Variants in KCNG3 observed in about 807,000 individuals in gnomAD.
KCNG3 encodes potassium voltage-gated channel modifier subfamily G member 3.
KCNG3 carries 15 observed loss-of-function variants against 29.0 expected under a neutral mutation model. The ratio of observed to expected loss-of-function variants is 0.52; its 90% CI spans 0.35 to 0.80. KCNG3 has a LOEUF of 0.80. KCNG3 is among the 30% of genes least tolerant of loss of function. The pLI, the probability that KCNG3 is intolerant of heterozygous loss-of-function variation, is 0.01. For missense variants in KCNG3, 512 were observed against 605.7 expected, an observed-to-expected ratio of 0.85 and a Z score of 1.62; for synonymous variants, 322 against 248.9, an observed-to-expected ratio of 1.29 and a Z score of -2.76.
At chr2:42,467,544 T>G (rs1008657477) in intron 1 of KCNG3, among the ~76,000 whole-genome samples, 1 of 151,624 alleles carries the variant, frequency 6.6e-6, no homozygotes, top group African/African-American at 2.4e-5. Context: ...GGCACATGCC[T>G]GTAATCCCAG....
At chr2:42,415,977 T>C in the KCNG3 span, among the ~76,000 whole-genome samples, 1 of 152,070 alleles carries the variant, frequency 6.6e-6, no homozygotes, top group African/African-American at 2.4e-5. Flanking sequence ...GGTGGATCGT[T>C]TGAGGTCAGG....
In KCNG3 at chr2:42,444,185, T is replaced by C; in HGVS notation, c.1060A>G (p.Asn354Asp). 1 of 1,614,180 alleles carries C rather than the reference T, an allele frequency of 6.2e-7. No homozygotes were observed. Among genetic ancestry groups the C allele is most frequent in the Non-Finnish European group, 8.5e-7 (1 of 1,180,038 alleles). ...LEHGLDLETSNKDFTSIPAAC... is the reference protein window; with the variant it reads ...LEHGLDLETSDKDFTSIPAAC... Reference sequence around the variant, plus strand: ...GCAGGAATGCTGGTAAAGTCCTTGTTGGATGTTTCCAGGTCCAGCCCATGT... The same window carrying C: ...GCAGGAATGCTGGTAAAGTCCTTGTCGGATGTTTCCAGGTCCAGCCCATGT... The change falls in exon 2 of 2, where the codon AAC becomes GAC. Residue 354 changes from asparagine (N) to aspartate (D), a missense_variant. Asn to Asp is a conservative substitution (Grantham distance 23, BLOSUM62 1). Around this residue, in one of 5 missense-constraint regions of KCNG3, gnomAD observed 173 missense variants for 262.4 expected, o/e 0.66. Transcript: ENST00000306078. This position sits in a 1 kb window ranked among gnomAD's most constrained non-coding sequence, Gnocchi z 5.8.
chr2:42,480,461 T>G (rs1673553412), intron 1 of KCNG3, among the ~76,000 whole-genome samples: 2 of 152,180 alleles, frequency 1.3e-5, no homozygotes, highest in South Asian at 4.2e-4. Flanking sequence ...GTAAATATTT[T>G]AGGCTTTTCA....
At chr2:42,427,859 T>A in the KCNG3 span, among the ~76,000 whole-genome samples, 1 of 152,202 alleles carries the variant, frequency 6.6e-6, no homozygotes, top group Non-Finnish European at 1.5e-5. Context: ...AGATTTCAAG[T>A]CAATGGCTTT....
chr2:42,401,878 C>A, the KCNG3 span, among the ~76,000 whole-genome samples: 8 of 152,098 alleles, frequency 5.3e-5, no homozygotes, highest in African/African-American at 1.9e-4. Context: ...AGCGAGAATC[C>A]GTCTCAAAAA....
At chr2:42,471,282 A>G (rs1274717222) in intron 1 of KCNG3, among the ~76,000 whole-genome samples, 2 of 152,146 alleles carry the variant, frequency 1.3e-5, no homozygotes, top group Non-Finnish European at 2.9e-5. Context: ...TCAACTGATG[A>G]ATGGGTAAAC....
the KCNG3 span, among the ~76,000 whole-genome samples, chr2:42,401,374 G>A: frequency 2.7e-5 from 4 of 150,396 alleles, no homozygotes; most frequent in East Asian, 1.9e-4. Context: ...AATAGACTAG[G>A]AGAAAGGAGC....
intron 1 of KCNG3, among the ~76,000 whole-genome samples, chr2:42,479,703 A>C (rs914871163): frequency 6.6e-6 from 1 of 151,582 alleles, no homozygotes; most frequent in Non-Finnish European, 1.5e-5. Context: ...AATGAGGCTT[A>C]AGCATCTCTG....
the KCNG3 span, among the ~76,000 whole-genome samples, chr2:42,425,512 G>A: frequency 1.3e-5 from 2 of 151,908 alleles, no homozygotes; most frequent in African/African-American, 4.8e-5. Context: ...GTGGGAGGAG[G>A]ATCATGTGGT....
At chr2:42,445,063 T>A (rs1312862566) in intron 1 of KCNG3, among the ~76,000 whole-genome samples, 3 of 110,324 alleles carry the variant, frequency 2.7e-5, no homozygotes, top group Admixed American at 1.1e-4. Context: ...AGAGACCCTG[T>A]CTCAAAAATT....
At chr2:42,403,657 G>T in the KCNG3 span, among the ~76,000 whole-genome samples, 1 of 148,994 alleles carries the variant, frequency 6.7e-6, no homozygotes, top group Non-Finnish European at 1.5e-5. Context: ...TAGAGACGGG[G>T]TTTCACCACG....
At chr2:42,485,358 T>C (rs796522467) in intron 1 of KCNG3, among the ~76,000 whole-genome samples, 2 of 152,178 alleles carry the variant, frequency 1.3e-5, no homozygotes, top group East Asian at 1.9e-4. Flanking sequence ...ACAAAGTCTA[T>C]AGGCAAAAGG....
chr2:42,397,170 G>A, the KCNG3 span, among the ~76,000 whole-genome samples: 4 of 151,968 alleles, frequency 2.6e-5, no homozygotes, highest in Middle Eastern at 6.8e-3. Context: ...GCTTAAACCC[G>A]GAGGTGGAGG....
the KCNG3 span, among the ~76,000 whole-genome samples, chr2:42,429,880 A>G: frequency 6.6e-6 from 1 of 152,202 alleles, no homozygotes; most frequent in Non-Finnish European, 1.5e-5. Flanking sequence ...AGACCCTGAG[A>G]GGCAGGAGGA....
the KCNG3 span, among the ~76,000 whole-genome samples, chr2:42,414,095 C>CTGT: frequency 1.2e-4 from 19 of 152,156 alleles, no homozygotes; most frequent in East Asian, 1.9e-4. Context: ...CACACAAAAA[C>CTGT]TGTTGTTGTT....
intron 1 of KCNG3, among the ~76,000 whole-genome samples, chr2:42,471,570 G>A (rs1290107242): frequency 6.6e-6 from 1 of 152,146 alleles, no homozygotes; most frequent in Non-Finnish European, 1.5e-5. Flanking sequence ...AGTGATGATA[G>A]TTGTACAATG....
chr2:42,466,892 A>G lies in KCNG3; in HGVS notation c.666-22313T>C, dbSNP rs542967426. On this transcript the variant is annotated intron_variant, in intron 1 of 1. Coordinates refer to ENST00000306078, the MANE Select transcript of KCNG3 (RefSeq NM_133329.6). ...CTCAGCCTCCCTAGTAGCTGGGATTACAGGCACTTGCCACCACGTCTGGCT... is the reference window on the plus strand; with the variant it reads ...CTCAGCCTCCCTAGTAGCTGGGATTGCAGGCACTTGCCACCACGTCTGGCT... 2.6e-5 allele frequency among the ~76,000 whole-genome samples: 4 copies of G among 151,552 alleles called. No individual in the cohort carries two copies. The South Asian group carries it at 8.4e-4, about 32-fold the overall frequency.
the KCNG3 span, among the ~76,000 whole-genome samples, chr2:42,412,981 A>T: frequency 6.6e-6 from 1 of 151,996 alleles, no homozygotes; most frequent in African/African-American, 2.4e-5. Context: ...TCTGTCACCC[A>T]TGCTAGAGTG....
chr2:42,444,150 C>T lies in KCNG3; in HGVS notation c.1095G>A (p.Trp365Ter). Reference protein sequence around the residue: ...KDFTSIPAACWWVIISMTTVG... With the variant: ...KDFTSIPAAC ...CTGTAGTCATAGAGATAATCACCCA[C>T]CAGCAGGCAGCAGGAATGCTGGTAA... Residue 365 changes from tryptophan to a stop codon, truncating the protein, a stop_gained, in exon 2 of 2, where the codon TGG (tryptophan) becomes TGA (stop). Coordinates refer to ENST00000306078, the MANE Select transcript of KCNG3 (RefSeq NM_133329.6). LOFTEE classifies it high-confidence loss of function. The surrounding 1 kb of genome is among the most constrained non-coding windows in gnomAD (Gnocchi z 5.8). 6.2e-7 allele frequency: 1 copy of T among 1,614,188 alleles called. No homozygotes were observed. Among genetic ancestry groups the T allele is most frequent in the Non-Finnish European group, 8.5e-7 (1 of 1,180,032 alleles).
Sources: gnomAD v4.1 joint callset for allele counts (sites outside exome capture counted in the v4.1 genomes callset) on GRCh38, gnomAD v4.1.1 for gene constraint, gnomAD v4.1.1 regional missense constraint, Gnocchi (gnomAD v3.1) non-coding constraint, MANE v1.5 for transcripts, NCBI Gene and HGNC (gene_info 2026-07-23, HGNC 2026-07-21) for gene names.